The following GRM7 variants were observed in gnomAD, a reference collection of about 807,000 sequenced individuals.
The protein encoded by GRM7 is metabotropic glutamate receptor 7.
Under a neutral mutation model 84.5 loss-of-function variants are expected in GRM7, and 35 were observed. The observed-to-expected ratio is 0.41, with a 90% CI of 0.32 to 0.55. GRM7 has a LOEUF of 0.55. Ranked by LOEUF, GRM7 falls within the 20% of genes least tolerant of loss-of-function variation. The pLI, the probability that GRM7 is intolerant of heterozygous loss-of-function variation, is 0.19. For missense variants in GRM7, 1,003 were observed against 1,194.6 expected (o/e 0.84, Z 2.36); for synonymous variants, 487 against 455.1 (o/e 1.07, Z -0.89).
rs1176913131 is a variant in GRM7, at chr3:6,928,029, G to A, written c.519+66122G>A. The stretch of plus-strand genomic sequence containing the variant: ...TGTAACTCACATAGGCAATTTTTCA[G>A]AAATCTAAATCTAGACCTTCACATT... On this transcript the variant is annotated intron_variant, in intron 1 of 9. Coordinates refer to ENST00000357716, the MANE Select transcript of GRM7 (RefSeq NM_000844.4). This position sits in a 1 kb window ranked among gnomAD's most constrained non-coding sequence, Gnocchi z 4.5. Among the ~76,000 whole-genome samples the A allele has an allele frequency of 2.0e-5, 3 of 151,824 alleles. No homozygotes were observed. The East Asian group carries it at 5.8e-4, about 29-fold the overall frequency.
In GRM7 at chr3:7,000,168, C is replaced by CTTT. The variant is rs35703323; in HGVS notation, c.519+138281_519+138283dup. 1.2e-4 allele frequency among the ~76,000 whole-genome samples: 9 copies of CTTT among 77,704 alleles called. No individual in the cohort carries two copies. The South Asian group carries it at 1.9e-3, about 17-fold the overall frequency. 51.0% of individuals were successfully genotyped at this position (77,704 alleles called of 152,430 possible). ...ACAACAGTAATGTCAGAGGTTGTGACTTTTTTTTTTTTTTTTTTTTTTAGA... is the reference window on the plus strand; with the variant it reads ...ACAACAGTAATGTCAGAGGTTGTGACTTTTTTTTTTTTTTTTTTTTTTTTTAGA... On this transcript the variant is annotated intron_variant, in intron 1 of 9. Transcript: ENST00000357716.
chr3:7,560,730 C>G (rs1379373909), intron 7 of GRM7, among the ~76,000 whole-genome samples: 1 of 152,110 alleles, frequency 6.6e-6, no homozygotes, highest in Non-Finnish European at 1.5e-5. Context: ...CATGTTTTCA[C>G]CTTTCAGATC....
At chr3:7,413,455 C>A (rs1437787505) in intron 4 of GRM7, among the ~76,000 whole-genome samples, 10 of 152,210 alleles carry the variant, frequency 6.6e-5, no homozygotes, top group Admixed American at 6.5e-4. Flanking sequence ...CTGAAAGAAT[C>A]TGACTCAGCT....
intron 2 of GRM7, among the ~76,000 whole-genome samples, chr3:7,239,351 C>T (rs566537552): frequency 4.7e-4 from 71 of 152,196 alleles, no homozygotes; most frequent in African/African-American, 1.7e-3. Flanking sequence ...GTAAAAGCAC[C>T]GTGGGCTTTG....
At chr3:7,649,850 G>C (rs75489128) in intron 8 of GRM7, among the ~76,000 whole-genome samples, 6 of 150,728 alleles carry the variant, frequency 4.0e-5, no homozygotes, top group Admixed American at 1.3e-4. Flanking sequence ...AGGTTTGGGC[G>C]GGGGGGTACT....
At chr3:7,242,748 C>A (rs573829155) in intron 2 of GRM7, among the ~76,000 whole-genome samples, 1 of 152,232 alleles carries the variant, frequency 6.6e-6, no homozygotes, top group African/African-American at 2.4e-5. Context: ...TTATGCAAAA[C>A]AATCTATAGT....
chr3:7,550,783 C>T (rs1020830952), intron 7 of GRM7, among the ~76,000 whole-genome samples: 1 of 151,966 alleles, frequency 6.6e-6, no homozygotes, highest in Admixed American at 6.6e-5. Context: ...TGGTGTGTGG[C>T]AAGACTACCA....
chr3:7,669,962 A>G (rs1489435207), intron 8 of GRM7, among the ~76,000 whole-genome samples: 6 of 147,886 alleles, frequency 4.1e-5, no homozygotes, highest in Non-Finnish European at 8.8e-5. Context: ...TTGGGCTTAA[A>G]CCATTAAATA....
chr3:7,581,859 A>ATT (rs61185913), intron 8 of GRM7, among the ~76,000 whole-genome samples: 34,377 of 149,146 alleles, frequency 0.23, 4,425 homozygotes, highest in Non-Finnish European at 0.28. Context: ...TCTTTTCCTT[A>ATT]TTTTTTTTTT....
chr3:7,529,886 G>T (rs1213282774), intron 7 of GRM7, among the ~76,000 whole-genome samples: 2 of 150,036 alleles, frequency 1.3e-5, no homozygotes, highest in African/African-American at 2.5e-5. Flanking sequence ...TTTAAATCAG[G>T]AGACCACTGG....
At chr3:7,603,223 G>A (rs1401182949) in intron 8 of GRM7, among the ~76,000 whole-genome samples, 1 of 151,982 alleles carries the variant, frequency 6.6e-6, no homozygotes, top group Non-Finnish European at 1.5e-5. Flanking sequence ...GGCAAACATG[G>A]TGAAGTATAA....
chr3:7,530,561 C>A (rs144356209), intron 7 of GRM7, among the ~76,000 whole-genome samples: 1 of 152,286 alleles, frequency 6.6e-6, no homozygotes, highest in African/African-American at 2.4e-5. Flanking sequence ...CTCCTACCAA[C>A]GGTATAAAAG....
intron 2 of GRM7, among the ~76,000 whole-genome samples, chr3:7,184,316 T>A (rs1213366901): frequency 6.6e-6 from 1 of 152,178 alleles, no homozygotes; most frequent in African/African-American, 2.4e-5. Flanking sequence ...ATCTGTTTTT[T>A]AAATATAGCT....
chr3:6,864,267 C>A (rs1356423609), intron 1 of GRM7, among the ~76,000 whole-genome samples: 1 of 152,158 alleles, frequency 6.6e-6, no homozygotes, highest in African/African-American at 2.4e-5. Flanking sequence ...GCTTGGGATG[C>A]ATGCAAGCTA....
chr3:7,548,644 A>G lies in GRM7; in HGVS notation c.1516-29778A>G, dbSNP rs141754376. 6.7e-4 allele frequency among the ~76,000 whole-genome samples: 102 copies of G among 152,296 alleles called. 1 individual carries two copies. In the East Asian group the frequency reaches 0.012, roughly 18 times the overall value. On this transcript the variant is annotated intron_variant, in intron 7 of 9. Transcript: ENST00000357716. The stretch of plus-strand genomic sequence containing the variant: ...CAGAGCCATCTGTTACACCATCTAA[A>G]GATGTTTTTGGTTCTTCTTCCAATT...
At chr3:6,892,673 C>T (rs1696010455) in intron 1 of GRM7, 1 of 152,134 alleles carries the variant, frequency 6.6e-6, no homozygotes, top group Admixed American at 6.6e-5. Flanking sequence ...GCCCGTTTTA[C>T]ATATCACATG....
intron 7 of GRM7, among the ~76,000 whole-genome samples, chr3:7,519,347 G>T (rs1254347721): frequency 1.3e-5 from 2 of 149,530 alleles, no homozygotes; most frequent in African/African-American, 2.5e-5. Flanking sequence ...GGTTGACAAA[G>T]AGAGACCCTG....
intron 1 of GRM7, among the ~76,000 whole-genome samples, chr3:6,891,330 A>G (rs1695933633): frequency 6.6e-6 from 1 of 152,094 alleles, no homozygotes; most frequent in African/African-American, 2.4e-5. Flanking sequence ...CCTGGCCTCG[A>G]TGGTCTTTAC....
rs1023752352 is a variant in GRM7 at position 7,486,682 on chromosome 3, G to T, written c.1515+24960G>T. ...AGCAGATGTTGGCACCATGCTTCTT[G>T]GACTTCCCAGCCACCAGAATGATGA... On this transcript the variant is annotated intron_variant, in intron 7 of 9. Coordinates refer to ENST00000357716, the MANE Select transcript of GRM7 (RefSeq NM_000844.4). The surrounding 1 kb of genome is among the most constrained non-coding windows in gnomAD (Gnocchi z 5.5). Among the ~76,000 whole-genome samples, 1 of 152,102 alleles carries T rather than the reference G, an allele frequency of 6.6e-6. No individual in the cohort carries two copies. The highest frequency in any genetic ancestry group is 2.4e-5 in the African/African-American group (1 of 41,416).
Sources: allele counts gnomAD v4.1 joint callset (sites outside exome capture counted in the v4.1 genomes callset), GRCh38; gene constraint gnomAD v4.1.1; non-coding constraint Gnocchi (gnomAD v3.1); transcripts MANE v1.5; gene names NCBI Gene and HGNC (gene_info 2026-07-23, HGNC 2026-07-21).